The following GRM8 variants were observed in gnomAD, a reference collection of about 807,000 sequenced individuals.
GRM8 encodes glutamate metabotropic receptor 8.
Under a neutral mutation model 87.2 loss-of-function variants are expected in GRM8, and 47 were observed. The observed-to-expected ratio is 0.54, with a 90% CI of 0.43 to 0.69. The LOEUF is 0.69. Among genes scored for constraint, GRM8 ranks in the 30% least tolerant of loss-of-function variants. The probability of loss-of-function intolerance (pLI) is 0.00; values close to 1 mark genes in which losing one functional copy is unlikely to be tolerated. For missense variants in GRM8, 1,019 were observed against 1,139.2 expected (o/e 0.89, Z 1.52); for synonymous variants, 396 against 404.5 (o/e 0.98, Z 0.25).
intron 2 of GRM8, among the ~76,000 whole-genome samples, chr7:127,212,428 T>A (rs1343680453): frequency 3.4e-5 from 5 of 146,436 alleles, no homozygotes; most frequent in East Asian, 3.9e-4. Flanking sequence ...TTTTTTTTTT[T>A]TTTTTTTGAG....
At chr7:127,071,526 C>T (rs1253473937) in intron 3 of GRM8, among the ~76,000 whole-genome samples, 2 of 152,212 alleles carry the variant, frequency 1.3e-5, no homozygotes, top group Non-Finnish European at 2.9e-5. Context: ...TTCTCTGCAT[C>T]ACTCACAACA....
At chr7:126,460,800 A>G (rs896793351) in intron 9 of GRM8, among the ~76,000 whole-genome samples, 2 of 151,562 alleles carry the variant, frequency 1.3e-5, no homozygotes, top group African/African-American at 4.8e-5. Flanking sequence ...CAACAGTTTG[A>G]GACAGCTTCT....
intron 3 of GRM8, among the ~76,000 whole-genome samples, chr7:126,928,501 AT>A (rs1326862020): frequency 6.6e-6 from 1 of 151,906 alleles, no homozygotes; most frequent in Non-Finnish European, 1.5e-5. Flanking sequence ...ATGAAACCCC[AT>A]CTCTACAAAA....
At chr7:126,897,144 T>C (rs1483033164) in intron 6 of GRM8, among the ~76,000 whole-genome samples, 2 of 152,138 alleles carry the variant, frequency 1.3e-5, no homozygotes, top group Non-Finnish European at 2.9e-5. Context: ...TATTTATAAT[T>C]CGTGATGGAG....
rs766716063 is a variant in GRM8, at chr7:127,243,251, G to A, written c.-47C>T. 1 of 1,546,062 alleles carries A rather than the reference G, an allele frequency of 6.5e-7. No homozygotes were observed. The highest frequency in any genetic ancestry group is 1.2e-5 in the South Asian group (1 of 82,630). ...AATCCAAGACCCAAAGTTTATTCTT[G>A]CCACAGAAGAAAGGGCACCACCTGA... is the stretch of plus-strand genomic sequence containing the variant. On this transcript the variant is annotated 5_prime_UTR_variant, in exon 2 of 11. An upstream open reading frame in the 5' UTR gains an earlier in-frame stop. Transcript: ENST00000339582.
chr7:126,777,925 T>C (rs1390825143), intron 6 of GRM8, among the ~76,000 whole-genome samples: 1 of 152,166 alleles, frequency 6.6e-6, no homozygotes, highest in Non-Finnish European at 1.5e-5. Context: ...TATACATTTA[T>C]CTTTATAAAA....
chr7:127,088,147 CAG>C (rs1276555324), intron 3 of GRM8, among the ~76,000 whole-genome samples: 1 of 152,200 alleles, frequency 6.6e-6, no homozygotes, highest in Non-Finnish European at 1.5e-5. Flanking sequence ...AGCTAGTGGT[CAG>C]AGTGACCCAT....
intron 6 of GRM8, among the ~76,000 whole-genome samples, chr7:126,820,098 C>A (rs1192814005): frequency 6.6e-6 from 1 of 151,978 alleles, no homozygotes; most frequent in Non-Finnish European, 1.5e-5. Flanking sequence ...AATTTCATAG[C>A]CACTTGTTAA....
chr7:127,211,256 C>T (rs1314262006), intron 2 of GRM8, among the ~76,000 whole-genome samples: 2 of 152,166 alleles, frequency 1.3e-5, no homozygotes, highest in African/African-American at 4.8e-5. Context: ...GGTCAAAAGC[C>T]TGAGAGCCCC....
chr7:126,947,973 C>G (rs1478456733), intron 3 of GRM8, among the ~76,000 whole-genome samples: 1 of 152,186 alleles, frequency 6.6e-6, no homozygotes. Flanking sequence ...AAATGTCAGA[C>G]AGCATCCTAG....
chr7:126,615,800 G>A (rs1482834322), intron 7 of GRM8, among the ~76,000 whole-genome samples: 1 of 152,036 alleles, frequency 6.6e-6, no homozygotes, highest in Non-Finnish European at 1.5e-5. Flanking sequence ...AATGGTAAAG[G>A]GATCAATTCA....
At chr7:127,224,619 A>G (rs1797192470) in intron 2 of GRM8, among the ~76,000 whole-genome samples, 1 of 152,188 alleles carries the variant, frequency 6.6e-6, no homozygotes, top group African/African-American at 2.4e-5. Flanking sequence ...ACATGGCAAA[A>G]ATATATATAA....
chr7:127,051,738 GCAAAAAAAA>G (rs923308791), intron 3 of GRM8, among the ~76,000 whole-genome samples: 8 of 13,054 alleles, frequency 6.1e-4, no homozygotes, highest in Middle Eastern at 0.045. Context: ...ATAATGTTGA[GCAAAAAAAA>G]AAAAAAAAAA....
At chr7:126,722,393 C>T (rs922246294) in intron 7 of GRM8, among the ~76,000 whole-genome samples, 2 of 152,148 alleles carry the variant, frequency 1.3e-5, no homozygotes, top group African/African-American at 4.8e-5. Flanking sequence ...GCCTCAGGTT[C>T]TGCATCTAGT....
At chr7:126,964,565 T>G (rs1027604076) in intron 3 of GRM8, among the ~76,000 whole-genome samples, 22 of 152,212 alleles carry the variant, frequency 1.4e-4, no homozygotes, top group African/African-American at 4.8e-4. Context: ...AAAAAGCTCA[T>G]CATCACTGGT....
chr7:126,496,756 A>G (rs1480259053), intron 9 of GRM8, among the ~76,000 whole-genome samples: 1 of 151,944 alleles, frequency 6.6e-6, no homozygotes, highest in Non-Finnish European at 1.5e-5. Context: ...AACTAGTAGG[A>G]TGGTTGTAGG....
rs563208972 is a variant in GRM8 at position 126,867,211 on chromosome 7, G to T, written c.1156+35331C>A. ...AATTTTGATATAAGGAGGTAGTGCT[G>T]TCCCACTAAGAACTAAACAGGTCAG... is the stretch of plus-strand genomic sequence containing the variant. On this transcript the variant is annotated intron_variant, in intron 6 of 10. Transcript: ENST00000339582. 5.9e-5 allele frequency among the ~76,000 whole-genome samples: 9 copies of T among 152,180 alleles called. 1 individual carries two copies. The highest frequency in any genetic ancestry group is 1.2e-4 in the Non-Finnish European group (8 of 68,042).
intron 7 of GRM8, among the ~76,000 whole-genome samples, chr7:126,676,940 C>T (rs55953926): frequency 0.18 from 27,029 of 151,936 alleles, 2,612 homozygotes; most frequent in South Asian, 0.23. Context: ...CCACAAAATG[C>T]GAGAAAATAT....
chr7:127,051,834 T>A (rs1372533382), intron 3 of GRM8, among the ~76,000 whole-genome samples: 3 of 149,976 alleles, frequency 2.0e-5, no homozygotes. Flanking sequence ...TGAACAATAC[T>A]GAATATTGTT....
Sources: allele counts gnomAD v4.1 joint callset (sites outside exome capture counted in the v4.1 genomes callset), GRCh38; gene constraint gnomAD v4.1.1; transcripts MANE v1.5; gene names NCBI Gene and HGNC (gene_info 2026-07-23, HGNC 2026-07-21).